Variants in ZFHX3 observed in about 807,000 individuals in gnomAD.
ZFHX3 encodes zinc finger homeobox protein 3.
In ZFHX3, 42 loss-of-function variants were observed where a neutral mutation model predicts 279.1. That is an observed-to-expected ratio of 0.15 (90% CI 0.12 to 0.19). The LOEUF is 0.19. ZFHX3 is among the 10% of genes least tolerant of loss of function. The probability of loss-of-function intolerance (pLI) is 1.00; values close to 1 mark genes in which losing one functional copy is unlikely to be tolerated. For missense variants in ZFHX3, 4,981 were observed against 4,754.0 expected, an observed-to-expected ratio of 1.05 and a Z score of -1.40; for synonymous variants, 2,293 against 1,957.8, an observed-to-expected ratio of 1.17 and a Z score of -4.52.
At chr16:73,049,007 C>T (rs1965399865), upstream of ZFHX3, among the ~76,000 whole-genome samples, 1 of 152,176 alleles carries the variant, frequency 6.6e-6, no homozygotes, top group Admixed American at 6.5e-5. Context: ...GAGTTCCTAC[C>T]GCCAGGGTAA....
intron 3 of ZFHX3, among the ~76,000 whole-genome samples, chr16:73,356,995 T>A (rs2016353157): frequency 6.6e-6 from 1 of 151,850 alleles, no homozygotes; most frequent in South Asian, 2.1e-4. Context: ...CCATACCACC[T>A]CCCAAAGTTA....
chr16:73,511,156 A>G (rs1006133032), intron 2 of ZFHX3, among the ~76,000 whole-genome samples: 1 of 152,168 alleles, frequency 6.6e-6, no homozygotes, highest in Non-Finnish European at 1.5e-5. Context: ...TCTACCTTTT[A>G]TTATCTGGGT....
chr16:72,872,164 G>A (rs1004422331), intron 4 of ZFHX3, among the ~76,000 whole-genome samples: 1 of 152,002 alleles, frequency 6.6e-6, no homozygotes, highest in African/African-American at 2.4e-5. Flanking sequence ...AACATCCCCA[G>A]TCCAATTATA....
chr16:72,891,766 T>C (rs1406950764), intron 3 of ZFHX3, among the ~76,000 whole-genome samples: 1 of 152,144 alleles, frequency 6.6e-6, no homozygotes, highest in Non-Finnish European at 1.5e-5. Flanking sequence ...TGTCCTTCCT[T>C]TTTTCTCCTC....
chr16:73,162,160 T>C (rs1476436496), intron 5 of ZFHX3, among the ~76,000 whole-genome samples: 1 of 152,210 alleles, frequency 6.6e-6, no homozygotes. Context: ...CAGCAGGAGT[T>C]GAGCAACAGG....
intron 1 of ZFHX3, among the ~76,000 whole-genome samples, chr16:72,976,883 C>T (rs1204988350): frequency 6.6e-6 from 1 of 151,646 alleles, no homozygotes; most frequent in African/African-American, 2.4e-5. Context: ...TCAACTCCGC[C>T]AGTGCCCCGG....
chr16:73,291,704 C>T (rs2014775519), intron 4 of ZFHX3, among the ~76,000 whole-genome samples: 1 of 152,288 alleles, frequency 6.6e-6, no homozygotes, highest in South Asian at 2.1e-4. Context: ...GTACCTTTAA[C>T]TATATGCATT....
intron 5 of ZFHX3, among the ~76,000 whole-genome samples, chr16:73,170,222 A>ATTTTTTTTTTTTT (rs1323820575): frequency 3.5e-4 from 13 of 36,826 alleles, no homozygotes; most frequent in Non-Finnish European, 5.2e-4. Context: ...TCCTTTCACT[A>ATTTTTTTTTTTTT]GTTTTTTTTT....
intron 2 of ZFHX3, among the ~76,000 whole-genome samples, chr16:73,527,358 T>A (rs1363542607): frequency 1.3e-5 from 2 of 152,184 alleles, no homozygotes; most frequent in African/African-American, 4.8e-5. Context: ...TGAGACAGGT[T>A]GTGTCTATGA....
intron 3 of ZFHX3, among the ~76,000 whole-genome samples, chr16:73,382,540 G>GT (rs2016833683): frequency 6.6e-6 from 1 of 152,202 alleles, no homozygotes; most frequent in African/African-American, 2.4e-5. Context: ...CACTCAGGCT[G>GT]CTGTGTGGGG....
intron 1 of ZFHX3, among the ~76,000 whole-genome samples, chr16:73,683,268 G>C (rs1482131408): frequency 6.6e-6 from 1 of 152,206 alleles, no homozygotes; most frequent in African/African-American, 2.4e-5. Context: ...TTCCCTCTGA[G>C]ATTTAGAGGT....
chr16:73,438,679 T>A (rs911081238), intron 3 of ZFHX3, among the ~76,000 whole-genome samples: 1 of 152,102 alleles, frequency 6.6e-6, no homozygotes, highest in African/African-American at 2.4e-5. Flanking sequence ...ATCACATTAA[T>A]GATAACCCTT....
intron 2 of ZFHX3, among the ~76,000 whole-genome samples, chr16:73,569,452 A>G (rs762676677): frequency 6.6e-6 from 1 of 151,828 alleles, no homozygotes; most frequent in Non-Finnish European, 1.5e-5. Flanking sequence ...TCCCATTAAC[A>G]TAAATGCTGA....
In ZFHX3 at chr16:73,343,220, T is replaced by C. The variant is rs28536199; in HGVS notation, c.-1290-24884A>G. On this transcript the variant is annotated intron_variant, in intron 3 of 17. Coordinates refer to the ZFHX3 transcript ENST00000641206. ...GGAAAGTATCAGTATGTTTCATATA[T>C]ATGTGTGTGTGTATGTATGCATATA... is the stretch of plus-strand genomic sequence containing the variant. Among the ~76,000 whole-genome samples, 526 of 152,284 alleles carry C rather than the reference T, an allele frequency of 3.5e-3. 2 individuals carry two copies. The highest frequency in any genetic ancestry group is 0.012 in the African/African-American group (485 of 41,550).
intron 3 of ZFHX3, among the ~76,000 whole-genome samples, chr16:73,410,882 C>T (rs1390167050): frequency 6.6e-6 from 1 of 152,248 alleles, no homozygotes; most frequent in African/African-American, 2.4e-5. Flanking sequence ...CTAAAGCACA[C>T]AGACTCAAAG....
chr16:73,300,706 G>T (rs1183252288), intron 4 of ZFHX3, among the ~76,000 whole-genome samples: 1 of 152,136 alleles, frequency 6.6e-6, no homozygotes, highest in African/African-American at 2.4e-5. Flanking sequence ...GTTTTGCCAT[G>T]TTGGCCAGGC....
intron 3 of ZFHX3, among the ~76,000 whole-genome samples, chr16:73,447,677 A>T (rs1402770933): frequency 1.3e-5 from 2 of 152,162 alleles, no homozygotes; most frequent in Admixed American, 6.5e-5. Flanking sequence ...CAACAGATAG[A>T]ACACATTAAA....
chr16:73,280,169 T>A (rs192705682), intron 4 of ZFHX3, among the ~76,000 whole-genome samples: 1 of 152,138 alleles, frequency 6.6e-6, no homozygotes, highest in African/African-American at 2.4e-5. Flanking sequence ...ATAACACTCT[T>A]AGAAGAGAAC....
At chr16:73,764,918 C>T (rs2053913253) in intron 1 of ZFHX3, among the ~76,000 whole-genome samples, 1 of 152,142 alleles carries the variant, frequency 6.6e-6, no homozygotes, top group Non-Finnish European at 1.5e-5. Flanking sequence ...GTTTTGTGTC[C>T]TCTAGAAGTC....
Sources: gnomAD v4.1 joint callset for allele counts (sites outside exome capture counted in the v4.1 genomes callset) on GRCh38, gnomAD v4.1.1 for gene constraint, MANE v1.5 for transcripts, NCBI Gene and HGNC (gene_info 2026-07-23, HGNC 2026-07-21) for gene names.